Variants in BTRC observed in about 807,000 individuals in gnomAD.
BTRC encodes F-box/WD repeat-containing protein 1A.
BTRC carries 42 observed loss-of-function variants against 85.5 expected under a neutral mutation model. That is an observed-to-expected ratio of 0.49 (90% CI 0.38 to 0.64). BTRC has a LOEUF of 0.64. Ranked by LOEUF, BTRC falls within the 30% of genes least tolerant of loss-of-function variation. The pLI, the probability that BTRC is intolerant of heterozygous loss-of-function variation, is 0.00. For missense variants in BTRC, 594 were observed against 743.5 expected, an observed-to-expected ratio of 0.80 and a Z score of 2.34; for synonymous variants, 255 against 263.3, an observed-to-expected ratio of 0.97 and a Z score of 0.30.
intron 3 of BTRC, 59 bp from the exon 4 acceptor site, chr10:101,479,309 C>A: frequency 1.6e-6 from 2 of 1,254,602 alleles, no homozygotes; most frequent in South Asian, 1.3e-5. Context: ...AATTTGAAAA[C>A]AGGATATGGC....
Position 101,459,077 on chromosome 10 carries a change from C to T in BTRC, c.157-2904C>T, listed in dbSNP as rs145150425. Among the ~76,000 whole-genome samples, 12 of 152,274 alleles carry T rather than the reference C, an allele frequency of 7.9e-5. No individual in the cohort carries two copies. In the East Asian group the frequency reaches 1.4e-3, roughly 17 times the overall value. Reference sequence around the variant, plus strand: ...CACCTCCTGAGCAGCTGGGATTACACGCATATGCCAAAGTACTAGGCTCAC... The same window carrying T: ...CACCTCCTGAGCAGCTGGGATTACATGCATATGCCAAAGTACTAGGCTCAC... On this transcript the variant is annotated intron_variant, in intron 2 of 14. Coordinates refer to ENST00000370187, the MANE Select transcript of BTRC (RefSeq NM_033637.4).
chr10:101,425,600 G>A (rs1354550121), intron 1 of BTRC, among the ~76,000 whole-genome samples: 1 of 150,986 alleles, frequency 6.6e-6, no homozygotes, highest in Non-Finnish European at 1.5e-5. Context: ...AGGAGAATGC[G>A]TAGTTGCTGC....
rs755774420 is a variant in BTRC at position 101,531,362 on chromosome 10, C to T, written c.840+29C>T. The T allele has an allele frequency of 2.7e-6, 4 of 1,473,288 alleles. No homozygotes were observed. The South Asian group carries it at 4.7e-5, about 17-fold the overall frequency. 91.3% of individuals were successfully genotyped at this position (1,473,288 alleles called of 1,614,324 possible). ...AGAATCTATGTATTTTGGGGTATTG[C>T]CCAAGGGCACAGAATTATCAGCATT... On this transcript the variant is annotated intron_variant, in intron 7 of 14. Coordinates refer to ENST00000370187, the MANE Select transcript of BTRC (RefSeq NM_033637.4).
chr10:101,469,596 T>C (rs752895842), intron 3 of BTRC, among the ~76,000 whole-genome samples: 1 of 152,234 alleles, frequency 6.6e-6, no homozygotes, highest in Non-Finnish European at 1.5e-5. Context: ...GTAAAAAATT[T>C]ACTCCTAAGA....
intron 1 of BTRC, among the ~76,000 whole-genome samples, chr10:101,388,841 C>T (rs1328249823): frequency 6.6e-6 from 1 of 152,274 alleles, no homozygotes; most frequent in Non-Finnish European, 1.5e-5. Context: ...GATGAAAGAG[C>T]ACTTTATTGA....
chr10:101,521,577 A>G (rs991380105), intron 4 of BTRC, 62 bp from the exon 5 acceptor site: 9 of 1,195,936 alleles, frequency 7.5e-6, no homozygotes, highest in Admixed American at 4.3e-5. Flanking sequence ...CCAGAAAATC[A>G]TATATATTTC....
chr10:101,432,134 CTT>C (rs141993153), intron 2 of BTRC, among the ~76,000 whole-genome samples: 56 of 143,598 alleles, frequency 3.9e-4, no homozygotes, highest in South Asian at 1.5e-3. Flanking sequence ...CTTTTTTTTC[CTT>C]TTTTTTTTTT....
intron 1 of BTRC, among the ~76,000 whole-genome samples, chr10:101,408,972 C>T (rs1259412911): frequency 6.6e-6 from 1 of 152,146 alleles, no homozygotes; most frequent in South Asian, 2.1e-4. Context: ...TCGCTTGAAC[C>T]GGGGAGACGG....
intron 1 of BTRC, among the ~76,000 whole-genome samples, chr10:101,420,651 A>G (rs917930238): frequency 2.0e-5 from 3 of 151,006 alleles, no homozygotes; most frequent in Admixed American, 6.6e-5. Context: ...ATTTTTTCCT[A>G]TCACTCTGCT....
chr10:101,552,919 C>T (rs1265771670), intron 14 of BTRC, among the ~76,000 whole-genome samples: 2 of 152,180 alleles, frequency 1.3e-5, no homozygotes, highest in East Asian at 3.9e-4. Flanking sequence ...CAGAGTCACT[C>T]TGCTTGAACA....
At position 101,521,864 on chromosome 10, in the gene BTRC, C is replaced by T; in HGVS notation, c.550C>T (p.Leu184=). 1 of 1,605,312 alleles carries T rather than the reference C, an allele frequency of 6.2e-7. No individual in the cohort carries two copies. The highest frequency in any genetic ancestry group is 8.5e-7 in the Non-Finnish European group (1 of 1,172,092). Residue 184 remains leucine, a synonymous_variant, in exon 5 of 15, where the codon CTG becomes TTG. Coordinates refer to ENST00000370187, the MANE Select transcript of BTRC (RefSeq NM_033637.4). ...GTTGCAGAGAGATTTCATAACTGCT[C>T]TGCCAGGTATGTCTACAAGTGTTTG... ...PMLQRDFITA[L]PARGLDHIAE... is the part of the protein sequence containing the mutation.
rs937708823 is a variant in BTRC, at chr10:101,526,714, T to G, written c.743+515T>G. 2.6e-5 allele frequency among the ~76,000 whole-genome samples: 4 copies of G among 152,342 alleles called. No homozygotes were observed. In the East Asian group the frequency reaches 7.7e-4, roughly 29 times the overall value. On this transcript the variant is annotated intron_variant, in intron 6 of 14. Coordinates refer to ENST00000370187, the MANE Select transcript of BTRC (RefSeq NM_033637.4). ...AGAATCGCATGAACCCTAGGTTTCT[T>G]TCAGAAAATTTCTTGCCTTTATCTT...
intron 1 of BTRC, chr10:101,354,569 G>T (rs374328135): frequency 4.4e-5 from 15 of 342,292 alleles, no homozygotes; most frequent in African/African-American, 3.1e-4. Flanking sequence ...GAGAAACGCC[G>T]TGAGGCCGCT....
chr10:101,392,799 T>C (rs1165874234), intron 1 of BTRC, among the ~76,000 whole-genome samples: 3 of 152,194 alleles, frequency 2.0e-5, no homozygotes, highest in African/African-American at 4.8e-5. Flanking sequence ...GCTGGAATTA[T>C]AGGTGTAAGC....
chr10:101,513,482 T>C (rs1439706298), intron 4 of BTRC, among the ~76,000 whole-genome samples: 1 of 152,208 alleles, frequency 6.6e-6, no homozygotes, highest in East Asian at 1.9e-4. Flanking sequence ...TGATCTGTTT[T>C]TCTAACAATT....
intron 9 of BTRC, among the ~76,000 whole-genome samples, chr10:101,533,935 G>A (rs1375390211): frequency 6.6e-6 from 1 of 151,962 alleles, no homozygotes; most frequent in Non-Finnish European, 1.5e-5. Flanking sequence ...AAACACTGCA[G>A]GTGCTAACAT....
At chr10:101,394,118 T>C (rs576720383) in intron 1 of BTRC, among the ~76,000 whole-genome samples, 1 of 152,260 alleles carries the variant, frequency 6.6e-6, no homozygotes, top group East Asian at 1.9e-4. Flanking sequence ...TTAGAAGATA[T>C]TATGGAGCTA....
chr10:101,373,713 C>T (rs767844098), intron 1 of BTRC, among the ~76,000 whole-genome samples: 1 of 151,996 alleles, frequency 6.6e-6, no homozygotes, highest in East Asian at 1.9e-4. Flanking sequence ...GTCAGGAGAT[C>T]GAGACCATCC....
At chr10:101,530,423 T>A (rs1459666397) in intron 6 of BTRC, among the ~76,000 whole-genome samples, 2 of 151,330 alleles carry the variant, frequency 1.3e-5, no homozygotes, top group African/African-American at 4.9e-5. Flanking sequence ...AATAAAGACC[T>A]AGCAAAAGTG....
Sources: allele counts gnomAD v4.1 joint callset (sites outside exome capture counted in the v4.1 genomes callset), GRCh38; gene constraint gnomAD v4.1.1; transcripts MANE v1.5; gene names NCBI Gene and HGNC (gene_info 2026-07-23, HGNC 2026-07-21).